The following SLITRK3 variants were observed in gnomAD, a reference collection of about 807,000 sequenced individuals.
The protein encoded by SLITRK3 is SLIT and NTRK like family member 3.
A neutral mutation model predicts 63.6 loss-of-function variants in SLITRK3; 16 were observed. The observed-to-expected ratio is 0.25, with a 90% confidence interval of 0.17 to 0.38. SLITRK3 has a LOEUF of 0.38. SLITRK3 is among the 10% of genes least tolerant of loss of function. The probability of loss-of-function intolerance (pLI) is 1.00; values close to 1 mark genes in which losing one functional copy is unlikely to be tolerated. For missense variants in SLITRK3, 1,117 were observed against 1,181.4 expected (o/e 0.95, Z 0.80); for synonymous variants, 547 against 451.6 (o/e 1.21, Z -2.68).
In SLITRK3 at chr3:165,196,264, GA is replaced by G. The variant is rs1718413205; in HGVS notation, c.-707del. Among the ~76,000 whole-genome samples, 3 of 150,784 alleles carry G rather than the reference GA, an allele frequency of 2.0e-5. No homozygotes were observed. The highest frequency in any genetic ancestry group is 7.3e-5 in the African/African-American group (3 of 41,066). On this transcript the variant is annotated 5_prime_UTR_variant, in exon 1 of 2. Transcript: ENST00000475390. Reference sequence around the variant, plus strand: ...CGGCGAAGGTGGGGGGAAAGAAGGAGAGGGGGAGAGAAGATACAAATACACA... The same window carrying G: ...CGGCGAAGGTGGGGGGAAAGAAGGAGGGGGGAGAGAAGATACAAATACACA...
At chr3:165,194,127 C>G (rs539709513) in intron 1 of SLITRK3, among the ~76,000 whole-genome samples, 1 of 152,254 alleles carries the variant, frequency 6.6e-6, no homozygotes, top group South Asian at 2.1e-4. Flanking sequence ...CCAGCACACA[C>G]CAATCCTGTC....
In SLITRK3 at chr3:165,189,937, C is replaced by T. The variant is rs555461822; in HGVS notation, c.894G>A (p.Ser298=). 19 of 1,614,048 alleles carry T rather than the reference C, an allele frequency of 1.2e-5. No individual in the cohort carries two copies. In the South Asian group the frequency reaches 1.2e-4, roughly 10 times the overall value. The change falls in exon 2 of 2, where the codon TCG becomes TCA. Residue 298 remains serine, a synonymous_variant. Transcript: ENST00000475390. This position sits in a 1 kb window ranked among gnomAD's most constrained non-coding sequence, Gnocchi z 4.0. ...GCCATGCATTCTCCTTACTTGATGA[C>T]GAATGTGGAATTCCCAAACTAGCCT... ...EVEASLGIPH[S]SSSKENAWPT...
At chr3:165,193,867 T>G (rs965063806) in intron 1 of SLITRK3, among the ~76,000 whole-genome samples, 10 of 151,830 alleles carry the variant, frequency 6.6e-5, no homozygotes, top group African/African-American at 2.4e-4. Context: ...TTTCGGGGAG[T>G]GAATCCTAGG....
At position 165,196,230 on chromosome 3, in the gene SLITRK3, T is replaced by C. The variant is rs1718410957; in HGVS notation, c.-672A>G. Among the ~76,000 whole-genome samples the C allele has an allele frequency of 7.1e-6, 1 of 140,524 alleles. No individual in the cohort carries two copies. The highest frequency in any genetic ancestry group is 2.6e-5 in the African/African-American group (1 of 38,178). 92.2% of individuals were successfully genotyped at this position (140,524 alleles called of 152,430 possible). A position where few individuals can be genotyped will look rare whatever the true frequency, so the allele number is the denominator to read the frequency against. ...GGCGACTAGATCTCAGATCCCAGCA[T>C]TGGTCAGACGGCGAAGGTGGGGGGA... On this transcript the variant is annotated 5_prime_UTR_variant, in exon 1 of 2. An upstream start codon of the reference 5' UTR is lost. Coordinates refer to ENST00000475390, the MANE Select transcript of SLITRK3 (RefSeq NM_001318810.2).
At position 165,188,230 on chromosome 3, in the gene SLITRK3, A is replaced by G. The variant is rs1229281121; in HGVS notation, c.2601T>C (p.Gly867=). 3.7e-6 allele frequency: 6 copies of G among 1,613,474 alleles called. No homozygotes were observed. The highest frequency in any genetic ancestry group is 5.1e-6 in the Non-Finnish European group (6 of 1,179,840). ...CCCCAGGAGGAAACAGCACCACCCC[A>G]CCATTTTTCTCATGGTGGCGGAACC... ...LAGFRHHEKN[G]GVVLFPPGGG... The change falls in exon 2 of 2, where the codon GGT becomes GGC. Residue 867 remains glycine (G), a synonymous_variant. Coordinates refer to ENST00000475390, the MANE Select transcript of SLITRK3 (RefSeq NM_001318810.2).
Position 165,187,781 on chromosome 3 carries a change from G to T in SLITRK3, c.*116C>A. On this transcript the variant is annotated 3_prime_UTR_variant, in exon 2 of 2. Transcript: ENST00000475390. ...GCGGTTTTAGTTTTGTTCAGGGTAGGAAAGATCGTGAGGATGGAGTTACTG... is the reference window on the plus strand; with the variant it reads ...GCGGTTTTAGTTTTGTTCAGGGTAGTAAAGATCGTGAGGATGGAGTTACTG... 3.6e-6 allele frequency: 3 copies of T among 838,396 alleles called. No individual in the cohort carries two copies. Among genetic ancestry groups the T allele is most frequent in the Non-Finnish European group, 3.7e-6 (2 of 538,206 alleles). The allele number at this position is 838,396 out of a possible 1,614,324, so 51.9% of individuals were successfully genotyped here.
intron 1 of SLITRK3, 131 bp from the exon 2 acceptor site, chr3:165,190,982 G>A: frequency 1.6e-6 from 1 of 609,802 alleles, no homozygotes; most frequent in Non-Finnish European, 2.8e-6. Context: ...CTCAAGATGA[G>A]CTAGCAACAT....
rs1718076957 is a variant in SLITRK3, at chr3:165,188,986, C to T, written c.1845G>A (p.Leu615=). The change falls in exon 2 of 2, where the codon CTG becomes CTA. Residue 615 remains leucine, a synonymous_variant. Coordinates refer to ENST00000475390, the MANE Select transcript of SLITRK3 (RefSeq NM_001318810.2). ...GGGATTCTCCAGCTGGTGCAACGTG[C>T]AGCATCTCTGGGCAAAGAACTTCCA... is the stretch of plus-strand genomic sequence containing the variant. The part of the protein sequence containing the change: ...IELEVLCPEM[L]HVAPAGESPA... 6.2e-7 allele frequency: 1 copy of T among 1,614,164 alleles called. No homozygotes were observed. Among genetic ancestry groups the T allele is most frequent in the African/African-American group, 1.3e-5 (1 of 75,048 alleles).
At position 165,189,171 on chromosome 3, in the gene SLITRK3, T is replaced by C. The variant is rs749246765; in HGVS notation, c.1660A>G (p.Ile554Val). Residue 554 changes from isoleucine (I) to valine (V), a missense_variant, in exon 2 of 2, where the codon ATT (isoleucine) becomes GTT (valine). Ile to Val is a conservative substitution (Grantham distance 29). This residue lies in a region of SLITRK3 where 158 missense variants were observed against 197.2 expected (regional missense o/e 0.80). Transcript: ENST00000475390. The surrounding 1 kb of genome is among the most constrained non-coding windows in gnomAD (Gnocchi z 4.0). ...TTCTCATTGAGGTCTATCTGGACAA[T>C]GGCATTCAAGTGTTCCAGGACACCA... The part of the protein sequence containing the change: ...VAGVLEHLNA[I>V]VQIDLNENPW... The C allele has an allele frequency of 2.5e-6, 4 of 1,614,150 alleles. No homozygotes were observed. The Admixed American group carries it at 5.0e-5, about 20-fold the overall frequency.
rs1046406873 is a variant in SLITRK3, at chr3:165,186,720, T to C, written c.*1177A>G. On this transcript the variant is annotated 3_prime_UTR_variant, in exon 2 of 2. Coordinates refer to ENST00000475390, the MANE Select transcript of SLITRK3 (RefSeq NM_001318810.2). ...CTTTGTATCCTCTATATATAATGTA[T>C]TATGTTTTTCAAAAACTTTTTATTA... 12 of 152,750 alleles carry C rather than the reference T, an allele frequency of 7.9e-5. No homozygotes were observed. The highest frequency in any genetic ancestry group is 2.9e-4 in the African/African-American group (12 of 41,566). The allele number at this position is 152,750 out of a possible 1,614,324, so 9.5% of individuals were successfully genotyped here. A position where few individuals can be genotyped will look rare whatever the true frequency, so the allele number is the denominator to read the frequency against.
At position 165,189,412 on chromosome 3, in the gene SLITRK3, T is replaced by C. The variant is rs745848219; in HGVS notation, c.1419A>G (p.Pro473=). The C allele has an allele frequency of 1.9e-6, 3 of 1,613,490 alleles. No homozygotes were observed. The highest frequency in any genetic ancestry group is 2.5e-6 in the Non-Finnish European group (3 of 1,180,028). ...LNGNDIEKLT[P]GMFRGLQSLH... ...AACTCTGTAGGCCTCGGAACATGCC[T>C]GGTGTCAGCTTCTCTATATCGTTGC... is the stretch of plus-strand genomic sequence containing the variant. Residue 473 remains proline, a synonymous_variant, in exon 2 of 2, where the codon CCA becomes CCG. Coordinates refer to ENST00000475390, the MANE Select transcript of SLITRK3 (RefSeq NM_001318810.2). The surrounding 1 kb of genome is among the most constrained non-coding windows in gnomAD (Gnocchi z 4.0).
Position 165,188,422 on chromosome 3 carries a change from C to G in SLITRK3, c.2409G>C (p.Glu803Asp). 1 of 1,613,960 alleles carries G rather than the reference C, an allele frequency of 6.2e-7. No homozygotes were observed. Among genetic ancestry groups the G allele is most frequent in the South Asian group, 1.1e-5 (1 of 91,072 alleles). ...GSEQFAETPK[E>D]NHSNYRTLLE... ...GCAAGGTCCGGTAGTTACTATGGTT[C>G]TCCTTGGGTGTCTCAGCAAACTGCT... is the stretch of plus-strand genomic sequence containing the variant. The change falls in exon 2 of 2, where the codon GAG (glutamate) becomes GAC (aspartate). Residue 803 changes from glutamate to aspartate, a missense_variant. Transcript: ENST00000475390.
intron 1 of SLITRK3, among the ~76,000 whole-genome samples, chr3:165,193,177 G>A (rs1718300864): frequency 7.2e-6 from 1 of 139,742 alleles, no homozygotes; most frequent in African/African-American, 2.6e-5. Context: ...ACACAAATTG[G>A]CAAAATAAGA....
chr3:165,194,331 C>A (rs958612237), intron 1 of SLITRK3, among the ~76,000 whole-genome samples: 1 of 152,236 alleles, frequency 6.6e-6, no homozygotes, highest in African/African-American at 2.4e-5. Flanking sequence ...ACAGGTAAAT[C>A]ACCTAACAAT....
chr3:165,194,104 C>T (rs902629545), intron 1 of SLITRK3, among the ~76,000 whole-genome samples: 1 of 152,078 alleles, frequency 6.6e-6, no homozygotes, highest in Non-Finnish European at 1.5e-5. Context: ...TGGATGCTCC[C>T]CATCTGCCCC....
At chr3:165,192,586 A>C (rs1362218715) in intron 1 of SLITRK3, among the ~76,000 whole-genome samples, 4 of 151,782 alleles carry the variant, frequency 2.6e-5, no homozygotes, top group Admixed American at 2.6e-4. Flanking sequence ...AAAAGAAAAA[A>C]AAAAAGCTTG....
Position 165,188,441 on chromosome 3 carries a change from A to C in SLITRK3, c.2390T>G (p.Phe797Cys). ...MGEALLGSEQ[F>C]AETPKENHSN... The stretch of plus-strand genomic sequence containing the variant: ...ATGGTTCTCCTTGGGTGTCTCAGCA[A>C]ACTGCTCACTTCCTAGGAGAGCCTC... The change falls in exon 2 of 2, where the codon TTT becomes TGT. Residue 797 changes from phenylalanine (F) to cysteine (C), a missense_variant. Physicochemically the swap from Phe to Cys is radical, Grantham distance 205. Transcript: ENST00000475390. The C allele has an allele frequency of 6.2e-7, 1 of 1,613,646 alleles. No individual in the cohort carries two copies. The highest frequency in any genetic ancestry group is 8.5e-7 in the Non-Finnish European group (1 of 1,179,890).
chr3:165,188,183 A>G lies in SLITRK3; in HGVS notation c.2648T>C (p.Met883Thr), dbSNP rs762744740. The G allele has an allele frequency of 1.9e-6, 3 of 1,613,624 alleles. No homozygotes were observed. The highest frequency in any genetic ancestry group is 2.7e-5 in the African/African-American group (2 of 74,788). ...CTGTGGCCTCTCTCGATCTAGTAGC[A>G]TACTGCCACTACCACAGCCTCCCCC... ...PPGGGCGSGS[M>T]LLDRERPQPA... Residue 883 changes from methionine (M) to threonine (T), a missense_variant, in exon 2 of 2, where the codon ATG (methionine) becomes ACG (threonine). Around this residue, in one of 4 missense-constraint regions of SLITRK3, gnomAD observed 499 missense variants for 463.6 expected, o/e 1.08. Transcript: ENST00000475390.
chr3:165,190,808 A>G lies in SLITRK3; in HGVS notation c.23T>C (p.Met8Thr), dbSNP rs376469604. The change falls in exon 2 of 2, where the codon ATG (methionine) becomes ACG (threonine). Residue 8 changes from methionine to threonine, a missense_variant. Coordinates refer to ENST00000475390, the MANE Select transcript of SLITRK3 (RefSeq NM_001318810.2). ...CCACAACATCCTTCCTCTGTGAAGC[A>G]TCTCAGCTATGGAAGGTTTCATCGT... MKPSIAE[M>T]LHRGRMLWII... 4.4e-6 allele frequency: 7 copies of G among 1,595,262 alleles called. No individual in the cohort carries two copies. The highest frequency in any genetic ancestry group is 6.0e-6 in the Non-Finnish European group (7 of 1,171,760).
Sources: gnomAD v4.1 joint callset for allele counts (sites outside exome capture counted in the v4.1 genomes callset) on GRCh38, gnomAD v4.1.1 for gene constraint, gnomAD v4.1.1 regional missense constraint, Gnocchi (gnomAD v3.1) non-coding constraint, MANE v1.5 for transcripts, NCBI Gene and HGNC (gene_info 2026-07-23, HGNC 2026-07-21) for gene names.